The following POLN variants were observed in gnomAD, a reference collection of about 807,000 sequenced individuals.
POLN encodes DNA polymerase nu.
A neutral mutation model predicts 113.5 loss-of-function variants in POLN; 108 were observed. The ratio of observed to expected loss-of-function variants is 0.95; its 90% CI spans 0.81 to 1.12. The LOEUF (loss-of-function observed/expected upper bound fraction) is 1.12, where lower values mean the gene tolerates loss of function less well. Among genes scored for constraint, POLN ranks in the 50% most tolerant of loss-of-function variants. The pLI is 0.00. For missense variants in POLN, 1,097 were observed against 1,077.1 expected (o/e 1.02, Z -0.26); for synonymous variants, 386 against 391.5 (o/e 0.99, Z 0.17).
intron 6 of POLN, among the ~76,000 whole-genome samples, chr4:2,194,865 T>C (rs574357619): frequency 5.3e-5 from 8 of 152,082 alleles, no homozygotes; most frequent in African/African-American, 1.9e-4. Flanking sequence ...ACCACTGCAC[T>C]CCAACCTGGG....
At chr4:2,079,550 T>C (rs2108688411) in intron 23 of POLN, 2 of 985,644 alleles carry the variant, frequency 2.0e-6, no homozygotes. Context: ...TGAATGCAGA[T>C]GGCAGTGAGA....
At chr4:2,167,427 C>A (rs1732756296) in intron 13 of POLN, among the ~76,000 whole-genome samples, 1 of 152,126 alleles carries the variant, frequency 6.6e-6, no homozygotes, top group African/African-American at 2.4e-5. Context: ...GAGGGAATTC[C>A]CACTATACCC....
In POLN at chr4:2,081,697, A is replaced by C. The variant is rs1373108313; in HGVS notation, c.2244T>G (p.Ile748Met). The change falls in exon 22 of 26, where the codon ATT becomes ATG. Residue 748 changes from isoleucine (I) to methionine (M), a missense_variant. Ile to Met is a conservative substitution (Grantham distance 10). Coordinates refer to ENST00000511885, the MANE Select transcript of POLN (RefSeq NM_181808.4). ...IMGRRRPLPR[I>M]HAHDQQLRAQ... ...CCCGGAGTTGCTGGTCATGAGCGTG[A>C]ATCCTTGGCAGGGGTCTCCTTCTGC... is the stretch of plus-strand genomic sequence containing the variant. 6.2e-7 allele frequency: 1 copy of C among 1,614,158 alleles called. No homozygotes were observed. Among genetic ancestry groups the C allele is most frequent in the African/African-American group, 1.3e-5 (1 of 75,042 alleles).
At position 2,127,227 on chromosome 4, in the gene POLN, A is replaced by C. The variant is rs1731605306; in HGVS notation, c.1982+886T>G. ...GGGGAGGTGGCACCTGCAGCTGATG[A>C]GGGAGGGGACAGTGACTCAGACACA... On this transcript the variant is annotated intron_variant, in intron 19 of 25. Coordinates refer to ENST00000511885, the MANE Select transcript of POLN (RefSeq NM_181808.4). The surrounding 1 kb of genome is among the most constrained non-coding windows in gnomAD (Gnocchi z 4.7). Among the ~76,000 whole-genome samples the C allele has an allele frequency of 6.6e-6, 1 of 151,598 alleles. No homozygotes were observed. The highest frequency in any genetic ancestry group is 6.6e-5 in the Admixed American group (1 of 15,256).
In POLN at chr4:2,085,561, C is replaced by T. The variant is rs575472307; in HGVS notation, c.2197+52G>A. ...CCAACCACGCAGCTGTCCCCCCATC[C>T]TCCCACAGAGGGTTGGCAGGGAGCA... On this transcript the variant is annotated intron_variant, in intron 21 of 25. Transcript: ENST00000511885. 237 of 1,604,444 alleles carry T rather than the reference C, an allele frequency of 1.5e-4. 1 individual carries two copies. In the South Asian group the frequency reaches 2.5e-3, roughly 17 times the overall value.
At chr4:2,121,222 G>A (rs1057018316) in intron 19 of POLN, among the ~76,000 whole-genome samples, 1 of 152,034 alleles carries the variant, frequency 6.6e-6, no homozygotes, top group African/African-American at 2.4e-5. Flanking sequence ...ATTGCTTGAG[G>A]TCAGGAGCTC....
chr4:2,138,564 C>A (rs1003913982), intron 16 of POLN, among the ~76,000 whole-genome samples: 13 of 152,156 alleles, frequency 8.5e-5, no homozygotes, highest in African/African-American at 2.9e-4. Context: ...GAATCGCCAC[C>A]CCCACAGGGT....
At chr4:2,123,087 A>G (rs497881) in intron 19 of POLN, among the ~76,000 whole-genome samples, 127,565 of 152,110 alleles carry the variant, frequency 0.84, 54,085 homozygotes, top group Non-Finnish European at 0.9. Context: ...GAGTCCAGCA[A>G]GCGGTTGAGG....
Position 2,208,171 on chromosome 4 carries a change from T to TCTTC in POLN, c.526_529dup (p.Asp177GlyfsTer4). On this transcript the variant is annotated frameshift_variant, in exon 5 of 26. Coordinates refer to ENST00000511885, the MANE Select transcript of POLN (RefSeq NM_181808.4). LOFTEE classifies it high-confidence loss of function. ...TAGGTAGCCTTCGGCGTCATCAGTA[T>TCTTC]CTTCTTCCAATGCCATTTGTTTACT... 6.2e-7 allele frequency: 1 copy of TCTTC among 1,613,834 alleles called. No individual in the cohort carries two copies. The highest frequency in any genetic ancestry group is 1.1e-5 in the South Asian group (1 of 91,074).
chr4:2,122,861 C>T (rs1415469560), intron 19 of POLN, among the ~76,000 whole-genome samples: 1 of 152,180 alleles, frequency 6.6e-6, no homozygotes, highest in Non-Finnish European at 1.5e-5. Flanking sequence ...TGCACAAAAA[C>T]TTGCACACAG....
chr4:2,174,889 C>T, intron 9 of POLN, 138 bp from the exon 10 acceptor site: 1 of 597,428 alleles, frequency 1.7e-6, no homozygotes, highest in Non-Finnish European at 2.9e-6. Context: ...GTGGCGTGAT[C>T]TCAGCGCACT....
intron 17 of POLN, among the ~76,000 whole-genome samples, chr4:2,130,105 A>C (rs1443203381): frequency 6.6e-6 from 1 of 151,994 alleles, no homozygotes; most frequent in Non-Finnish European, 1.5e-5. Flanking sequence ...AATACAAAAA[A>C]TTAGCTGGCC....
chr4:2,112,469 T>A (rs1450040136), intron 19 of POLN, among the ~76,000 whole-genome samples: 1 of 151,638 alleles, frequency 6.6e-6, no homozygotes, highest in Admixed American at 6.6e-5. Context: ...TGGGAGAAAA[T>A]TTTTGCAACC....
intron 3 of POLN, among the ~76,000 whole-genome samples, chr4:2,218,559 C>T (rs1734175511): frequency 6.6e-6 from 1 of 152,192 alleles, no homozygotes; most frequent in South Asian, 2.1e-4. Context: ...TATCTGTGTG[C>T]TTATCTCCCA....
chr4:2,183,799 GT>G (rs1733202768), intron 7 of POLN, among the ~76,000 whole-genome samples: 1 of 152,058 alleles, frequency 6.6e-6, no homozygotes, highest in Non-Finnish European at 1.5e-5. Context: ...CAGTTAAAGA[GT>G]GAATTTTATG....
chr4:2,206,509 G>A (rs1039359084), intron 5 of POLN, among the ~76,000 whole-genome samples: 2 of 152,156 alleles, frequency 1.3e-5, no homozygotes, highest in African/African-American at 4.8e-5. Flanking sequence ...TCTGACAAAG[G>A]ACTAATATCC....
chr4:2,240,314 T>C (rs1015365928), intron 2 of POLN: 4 of 1,607,886 alleles, frequency 2.5e-6, no homozygotes, highest in Non-Finnish European at 3.4e-6. Context: ...TTAATGCTGC[T>C]GTGCTTTGCT....
chr4:2,154,314 G>A (rs1483434554), intron 16 of POLN, among the ~76,000 whole-genome samples: 1 of 151,150 alleles, frequency 6.6e-6, no homozygotes, highest in Non-Finnish European at 1.5e-5. Flanking sequence ...ATTTCATAAA[G>A]GGTTAATTTT....
chr4:2,236,430 T>C, intron 2 of POLN: 1 of 1,612,470 alleles, frequency 6.2e-7, no homozygotes, highest in South Asian at 1.1e-5. Context: ...TTTTTTCTTA[T>C]TCTCTCCCTC....
Sources: gnomAD v4.1 joint callset for allele counts (sites outside exome capture counted in the v4.1 genomes callset) on GRCh38, gnomAD v4.1.1 for gene constraint, Gnocchi (gnomAD v3.1) non-coding constraint, MANE v1.5 for transcripts, NCBI Gene and HGNC (gene_info 2026-07-23, HGNC 2026-07-21) for gene names.